Variants in PARVB observed in about 807,000 individuals in gnomAD.
PARVB encodes beta-parvin.
Under a neutral mutation model 47.0 loss-of-function variants are expected in PARVB, and 46 were observed. The observed-to-expected ratio is 0.98, with a 90% confidence interval of 0.77 to 1.25. The LOEUF is 1.25. Ranked by LOEUF, PARVB falls within the 50% of genes most tolerant of loss-of-function variation. PARVB has a pLI of 0.00. For synonymous variants in PARVB, 196 were observed against 196.3 expected (o/e 1.00, Z 0.01); for missense variants, 473 against 471.6 (o/e 1.00, Z -0.03).
intron 2 of PARVB, among the ~76,000 whole-genome samples, chr22:44,007,953 G>A (rs1569046056): frequency 6.6e-6 from 1 of 152,176 alleles, no homozygotes; most frequent in East Asian, 1.9e-4. Flanking sequence ...TATCACACTA[G>A]CATCATGTCC....
At chr22:44,141,562 A>G (rs1372322323) in intron 8 of PARVB, 2 of 152,162 alleles carry the variant, frequency 1.3e-5, no homozygotes, top group African/African-American at 2.4e-5. Context: ...TTTCCAGTCC[A>G]CAGATTCAGA....
At chr22:44,104,444 T>A (rs1405402734) in intron 3 of PARVB, 2 of 152,556 alleles carry the variant, frequency 1.3e-5, no homozygotes, top group Admixed American at 1.3e-4. Flanking sequence ...GACTATAGCC[T>A]TTTAAACAGA....
rs529420973 is a variant in PARVB at position 44,103,524 on chromosome 22, C to T, written c.273+3401C>T. ...TGTCCTGGCTCTGTTTTTCAGGGAACCTGGGCCAGAATCATGGTCCCCAAA... is the reference window on the plus strand; with the variant it reads ...TGTCCTGGCTCTGTTTTTCAGGGAATCTGGGCCAGAATCATGGTCCCCAAA... On this transcript the variant is annotated intron_variant, in intron 3 of 12. Coordinates refer to ENST00000338758, the MANE Select transcript of PARVB (RefSeq NM_013327.5). The surrounding 1 kb of genome is among the most constrained non-coding windows in gnomAD (Gnocchi z 4.6). The T allele has an allele frequency of 6.6e-6, 1 of 152,280 alleles. No homozygotes were observed. Among genetic ancestry groups the T allele is most frequent in the East Asian group, 1.9e-4 (1 of 5,178 alleles). The allele number at this position is 152,280 out of a possible 1,614,324, so 9.4% of individuals were successfully genotyped here.
intron 4 of PARVB, among the ~76,000 whole-genome samples, chr22:44,126,223 G>C (rs373928620): frequency 6.6e-6 from 1 of 152,190 alleles, no homozygotes; most frequent in African/African-American, 2.4e-5. Context: ...GCTGAATGCC[G>C]AATGCCCAAG....
chr22:44,100,347 G>T (rs2052413771), intron 3 of PARVB, among the ~76,000 whole-genome samples: 1 of 152,140 alleles, frequency 6.6e-6, no homozygotes, highest in South Asian at 2.1e-4. Context: ...GGGCTTTAAC[G>T]ACCAGTCTTG....
intron 1 of PARVB, among the ~76,000 whole-genome samples, chr22:44,054,148 A>C (rs2051261216): frequency 6.6e-6 from 1 of 152,022 alleles, no homozygotes; most frequent in Non-Finnish European, 1.5e-5. Context: ...TTACAATCTG[A>C]TGAGAGTCCT....
chr22:44,149,297 A>T (rs1251570449), intron 9 of PARVB: 1 of 152,208 alleles, frequency 6.6e-6, no homozygotes, highest in Non-Finnish European at 1.5e-5. Flanking sequence ...CATTTTCGGC[A>T]CTGGAGCCAC....
intron 2 of PARVB, among the ~76,000 whole-genome samples, chr22:44,094,553 G>C (rs1279614958): frequency 6.6e-6 from 1 of 152,020 alleles, no homozygotes; most frequent in Non-Finnish European, 1.5e-5. Flanking sequence ...GCGGTGATAT[G>C]ATCACAGCTC....
Position 44,157,981 on chromosome 22 carries a change from G to A in PARVB, c.844-1G>A. 6.2e-7 allele frequency: 1 copy of A among 1,609,038 alleles called. No individual in the cohort carries two copies. The highest frequency in any genetic ancestry group is 2.2e-5 in the East Asian group (1 of 44,850). On this transcript the variant is annotated splice_acceptor_variant, in intron 10 of 12. Transcript: ENST00000338758. LOFTEE classifies it high-confidence loss of function. Reference sequence around the variant, plus strand: ...GAAACATCACAAGTCTTTCTCTGCAGTTTGCAGATGGCGTGTACCTGGTTC... The same window carrying A: ...GAAACATCACAAGTCTTTCTCTGCAATTTGCAGATGGCGTGTACCTGGTTC...
intron 2 of PARVB, among the ~76,000 whole-genome samples, chr22:43,999,834 G>GAAAAAAAAAAAAA (rs113458130): frequency 1.4e-5 from 1 of 69,362 alleles, no homozygotes; most frequent in Non-Finnish European, 2.9e-5. Flanking sequence ...CCATCTATAT[G>GAAAAAAAAAAAAA]AAAAAAAAAA....
At chr22:44,083,168 C>G (rs1056303686) in intron 1 of PARVB, among the ~76,000 whole-genome samples, 2 of 152,188 alleles carry the variant, frequency 1.3e-5, no homozygotes, top group Non-Finnish European at 2.9e-5. Flanking sequence ...AATGGAAACC[C>G]TCTTTTTCCA....
intron 1 of PARVB, among the ~76,000 whole-genome samples, chr22:44,066,889 T>A (rs2146969877): frequency 6.6e-6 from 1 of 151,686 alleles, no homozygotes; most frequent in South Asian, 2.1e-4. Context: ...TTTTTCTTCT[T>A]CTTAGGCAGG....
rs933850122 is a variant in PARVB at position 44,103,506 on chromosome 22, GCT to G, written c.273+3386_273+3387del. The G allele has an allele frequency of 3.9e-5, 6 of 152,344 alleles. No individual in the cohort carries two copies. Among genetic ancestry groups the G allele is most frequent in the Non-Finnish European group, 8.8e-5 (6 of 68,062 alleles). 9.4% of individuals were successfully genotyped at this position (152,344 alleles called of 1,614,324 possible). A position where few individuals can be genotyped will look rare whatever the true frequency, so the allele number is the denominator to read the frequency against. ...GGCATCAGCAGTGAGCTTTGTCCTG[GCT>G]CTGTTTTTCAGGGAACCTGGGCCAG... On this transcript the variant is annotated intron_variant, in intron 3 of 12. Transcript: ENST00000338758. The surrounding 1 kb of genome is among the most constrained non-coding windows in gnomAD (Gnocchi z 4.6).
intron 2 of PARVB, among the ~76,000 whole-genome samples, chr22:44,008,057 C>T (rs148031033): frequency 5.3e-5 from 8 of 152,092 alleles, no homozygotes; most frequent in African/African-American, 1.7e-4. Context: ...TGTCAGTGGA[C>T]GTTTGGGTTG....
intron 10 of PARVB, among the ~76,000 whole-genome samples, chr22:44,156,487 C>T (rs1015484110): frequency 6.6e-6 from 1 of 152,142 alleles, no homozygotes; most frequent in African/African-American, 2.4e-5. Context: ...CCCTGTTGGT[C>T]AGGCTGGTCT....
chr22:44,017,795 C>T (rs73434699), intron 2 of PARVB, among the ~76,000 whole-genome samples: 2,155 of 152,180 alleles, frequency 0.014, 52 homozygotes, highest in African/African-American at 0.049. Context: ...ATTTTCTCTC[C>T]CAGTTGGTGT....
At chr22:44,003,292 C>T (rs2050431075) in intron 2 of PARVB, among the ~76,000 whole-genome samples, 1 of 152,194 alleles carries the variant, frequency 6.6e-6, no homozygotes, top group Non-Finnish European at 1.5e-5. Flanking sequence ...CCAGAAATTA[C>T]CGTTCATCTA....
At position 44,172,317 on chromosome 22, in the gene PARVB, G is replaced by C. The variant is rs1601719940; in HGVS notation, c.*3639G>C. On this transcript the variant is annotated 3_prime_UTR_variant, in exon 13 of 13. Transcript: ENST00000338758. ...AATTCTGGGACCCTTCCTCCTCCCG[G>C]CACCACGTTTTCAGTGAATGGTTCT... The C allele has an allele frequency of 6.6e-6, 1 of 152,342 alleles. No homozygotes were observed. The highest frequency in any genetic ancestry group is 1.5e-5 in the Non-Finnish European group (1 of 68,168). The allele number at this position is 152,342 out of a possible 1,614,324, so 9.4% of individuals were successfully genotyped here.
rs561227800 is a variant in PARVB, at chr22:44,158,042, C to G, written c.904C>G (p.Leu302Val). The change falls in exon 11 of 13, where the codon CTC becomes GTC. Residue 302 changes from leucine (L) to valine (V), a missense_variant. Transcript: ENST00000338758. ...CCTTCTGGAAGACTACTTTGTTCCT[C>G]TCCACCACTTCTACCTGACTCCGGA... is the stretch of plus-strand genomic sequence containing the variant. ...MGLLEDYFVP[L>V]HHFYLTPESF... is the part of the protein sequence containing the mutation. The G allele has an allele frequency of 3.1e-6, 5 of 1,614,078 alleles. No individual in the cohort carries two copies. The South Asian group carries it at 4.4e-5, about 14-fold the overall frequency.
Sources: allele counts gnomAD v4.1 joint callset (sites outside exome capture counted in the v4.1 genomes callset), GRCh38; gene constraint gnomAD v4.1.1; non-coding constraint Gnocchi (gnomAD v3.1); transcripts MANE v1.5; gene names NCBI Gene and HGNC (gene_info 2026-07-23, HGNC 2026-07-21).